Variants in PRKN observed in about 807,000 individuals in gnomAD.
PRKN encodes the protein E3 ubiquitin-protein ligase parkin.
PRKN carries 56 observed loss-of-function variants against 59.5 expected under a neutral mutation model. That is an observed-to-expected ratio of 0.94 (90% CI 0.76 to 1.18). PRKN has a LOEUF of 1.18. Ranked by LOEUF, PRKN falls within the 50% of genes most tolerant of loss-of-function variation. The probability of loss-of-function intolerance (pLI) is 0.00; values close to 1 mark genes in which losing one functional copy is unlikely to be tolerated. For missense variants in PRKN, 657 were observed against 596.4 expected, an observed-to-expected ratio of 1.10 and a Z score of -1.06; for synonymous variants, 250 against 222.1, an observed-to-expected ratio of 1.13 and a Z score of -1.12.
chr6:162,524,411 T>C (rs867110969), intron 1 of PRKN, among the ~76,000 whole-genome samples: 2 of 152,302 alleles, frequency 1.3e-5, no homozygotes, highest in Middle Eastern at 3.4e-3. Context: ...CTGTTGATAA[T>C]TCTGATTTTG....
intron 4 of PRKN, among the ~76,000 whole-genome samples, chr6:162,112,086 G>C (rs1780463013): frequency 6.6e-6 from 1 of 152,170 alleles, no homozygotes; most frequent in South Asian, 2.1e-4. Flanking sequence ...CTCAATACTT[G>C]TATCTACAAA....
In PRKN at chr6:161,741,121, G is replaced by A. The variant is rs144173635; in HGVS notation, c.871+44651C>T. On this transcript the variant is annotated intron_variant, in intron 7 of 11. Transcript: ENST00000366898. Reference sequence around the variant, plus strand: ...ATTCAGCCTATTCTCCTGGGTTCACGCTGAGTCCAACTTTTGACATCGTCC... The same window carrying A: ...ATTCAGCCTATTCTCCTGGGTTCACACTGAGTCCAACTTTTGACATCGTCC... 8.0e-3 allele frequency among the ~76,000 whole-genome samples: 1,222 copies of A among 152,290 alleles called. 6 individuals are homozygous for A. Among genetic ancestry groups the A allele is most frequent in the South Asian group, 0.018 (86 of 4,826 alleles).
At chr6:162,530,086 C>T (rs1026424302) in intron 1 of PRKN, among the ~76,000 whole-genome samples, 2 of 150,672 alleles carry the variant, frequency 1.3e-5, no homozygotes, top group Non-Finnish European at 2.9e-5. Flanking sequence ...GCCAAGATCA[C>T]GCCATTGCAC....
chr6:161,629,593 C>T (rs1212617934), intron 7 of PRKN, among the ~76,000 whole-genome samples: 1 of 152,146 alleles, frequency 6.6e-6, no homozygotes, highest in Non-Finnish European at 1.5e-5. Flanking sequence ...CTGCCAACCT[C>T]CCACCTCCTG....
At chr6:162,471,137 A>G (rs1791719276) in intron 1 of PRKN, among the ~76,000 whole-genome samples, 1 of 149,588 alleles carries the variant, frequency 6.7e-6, no homozygotes, top group Admixed American at 6.7e-5. Context: ...TTTGCTTGTC[A>G]CCCAGGCTGG....
intron 7 of PRKN, among the ~76,000 whole-genome samples, chr6:161,770,212 G>C (rs778062764): frequency 5.9e-5 from 9 of 152,140 alleles, no homozygotes; most frequent in Admixed American, 1.3e-4. Context: ...GGGCTTTTGG[G>C]AAGGCTGGAG....
chr6:161,875,395 T>A (rs548426810), intron 6 of PRKN, among the ~76,000 whole-genome samples: 2 of 151,840 alleles, frequency 1.3e-5, no homozygotes, highest in African/African-American at 4.8e-5. Context: ...GGTTTCATCA[T>A]GTTGGGCAGG....
intron 6 of PRKN, among the ~76,000 whole-genome samples, chr6:161,969,973 C>T (rs1780738846): frequency 6.6e-6 from 1 of 152,096 alleles, no homozygotes; most frequent in East Asian, 1.9e-4. Context: ...ACAGCATATC[C>T]CCACATAACG....
chr6:162,036,973 C>T (rs1233537953), intron 5 of PRKN, among the ~76,000 whole-genome samples: 1 of 151,976 alleles, frequency 6.6e-6, no homozygotes, highest in Non-Finnish European at 1.5e-5. Flanking sequence ...TCATGTTTCA[C>T]CTAAATAATT....
intron 1 of PRKN, among the ~76,000 whole-genome samples, chr6:162,450,419 C>A (rs1451423700): frequency 1.3e-5 from 2 of 152,026 alleles, no homozygotes; most frequent in African/African-American, 4.8e-5. Flanking sequence ...TTGTAACACC[C>A]CTGTGATTGT....
chr6:161,705,505 A>T (rs1786449221), intron 7 of PRKN, among the ~76,000 whole-genome samples: 1 of 152,232 alleles, frequency 6.6e-6, no homozygotes. Context: ...CTGTCTGTGT[A>T]GGGATTCTAA....
intron 6 of PRKN, among the ~76,000 whole-genome samples, chr6:161,830,848 C>T (rs1025825426): frequency 1.3e-5 from 2 of 152,126 alleles, no homozygotes; most frequent in Non-Finnish European, 2.9e-5. Flanking sequence ...GCTTTGTCCG[C>T]AACCTCCTTC....
intron 3 of PRKN, among the ~76,000 whole-genome samples, chr6:162,238,707 T>C (rs550470151): frequency 6.6e-6 from 1 of 152,288 alleles, no homozygotes; most frequent in Non-Finnish European, 1.5e-5. Context: ...TGACCTAGAA[T>C]ATTCTGTTGT....
At chr6:162,557,315 A>C (rs1779648822) in intron 1 of PRKN, among the ~76,000 whole-genome samples, 1 of 152,198 alleles carries the variant, frequency 6.6e-6, no homozygotes, top group South Asian at 2.1e-4. Flanking sequence ...CTGGAGTCAG[A>C]GGCCAGAGTC....
chr6:162,246,533 A>G (rs1314831672), intron 3 of PRKN, among the ~76,000 whole-genome samples: 1 of 152,212 alleles, frequency 6.6e-6, no homozygotes, highest in Non-Finnish European at 1.5e-5. Context: ...ATTTTTAGGG[A>G]AAAATCTCCT....
chr6:162,567,539 A>C (rs1780134139), intron 1 of PRKN, among the ~76,000 whole-genome samples: 1 of 152,206 alleles, frequency 6.6e-6, no homozygotes, highest in South Asian at 2.1e-4. Context: ...CACACATAAA[A>C]TTAAATTCTT....
chr6:162,723,002 T>C (rs945193114), intron 1 of PRKN, among the ~76,000 whole-genome samples: 1 of 152,204 alleles, frequency 6.6e-6, no homozygotes, highest in Non-Finnish European at 1.5e-5. Flanking sequence ...CTGGTTTTCA[T>C]CAACTTATCA....
chr6:162,501,342 C>G (rs1415571027), intron 1 of PRKN, among the ~76,000 whole-genome samples: 1 of 138,714 alleles, frequency 7.2e-6, no homozygotes, highest in Non-Finnish European at 1.6e-5. Flanking sequence ...GTTTCTAAAT[C>G]CCTTTTTTCC....
intron 9 of PRKN, among the ~76,000 whole-genome samples, chr6:161,501,025 G>A (rs1030924354): frequency 9.9e-5 from 15 of 151,788 alleles, no homozygotes; most frequent in African/African-American, 3.1e-4. Context: ...ACTGGTACTC[G>A]CCACCATGCC....
Sources: allele counts gnomAD v4.1 joint callset (sites outside exome capture counted in the v4.1 genomes callset), GRCh38; gene constraint gnomAD v4.1.1; transcripts MANE v1.5; gene names NCBI Gene and HGNC (gene_info 2026-07-23, HGNC 2026-07-21).